OPCML: variants seen among roughly 807,000 people sequenced by gnomAD.
OPCML encodes opioid-binding protein/cell adhesion molecule.
Under a neutral mutation model 37.8 loss-of-function variants are expected in OPCML, and 13 were observed. The ratio of observed to expected loss-of-function variants is 0.34; its 90% CI spans 0.22 to 0.55. The LOEUF (loss-of-function observed/expected upper bound fraction) is 0.55, where lower values mean the gene tolerates loss of function less well. OPCML is among the 20% of genes least tolerant of loss of function. The pLI is 0.91. For synonymous variants in OPCML, 176 were observed against 168.8 expected, an observed-to-expected ratio of 1.04 and a Z score of -0.33; for missense variants, 341 against 435.6, an observed-to-expected ratio of 0.78 and a Z score of 1.93.
intron 4 of OPCML, among the ~76,000 whole-genome samples, chr11:132,499,812 T>C (rs1434434475): frequency 6.6e-6 from 1 of 152,238 alleles, no homozygotes; most frequent in Non-Finnish European, 1.5e-5. Context: ...TCCGTGACTA[T>C]GTTAACTGCA....
intron 1 of OPCML, among the ~76,000 whole-genome samples, chr11:133,057,675 C>G (rs1385713881): frequency 6.6e-6 from 1 of 152,178 alleles, no homozygotes; most frequent in African/African-American, 2.4e-5. Flanking sequence ...GAAATGACTC[C>G]CACTGTTGCT....
At chr11:133,070,849 A>G (rs75514304) in intron 1 of OPCML, among the ~76,000 whole-genome samples, 1,762 of 152,308 alleles carry the variant, frequency 0.012, 24 homozygotes, top group African/African-American at 0.04. Flanking sequence ...GGACTCTGTC[A>G]GGACCACACC....
chr11:132,652,347 CAA>C (rs1238566884), intron 3 of OPCML, among the ~76,000 whole-genome samples: 3 of 125,316 alleles, frequency 2.4e-5, no homozygotes, highest in South Asian at 2.8e-4. Flanking sequence ...GGAAGAATGA[CAA>C]ACACACACAC....
chr11:133,136,433 T>C (rs1431277905), intron 1 of OPCML, among the ~76,000 whole-genome samples: 1 of 152,114 alleles, frequency 6.6e-6, no homozygotes, highest in Non-Finnish European at 1.5e-5. Flanking sequence ...CAGACTGGGA[T>C]CAAGGCTCCA....
chr11:132,793,947 C>T (rs1323001290), intron 2 of OPCML, among the ~76,000 whole-genome samples: 3 of 152,216 alleles, frequency 2.0e-5, no homozygotes, highest in Non-Finnish European at 4.4e-5. Context: ...CTGCCGTGAC[C>T]CCCATGCCCG....
intron 1 of OPCML, among the ~76,000 whole-genome samples, chr11:133,357,566 C>T (rs1286337769): frequency 6.6e-6 from 1 of 152,144 alleles, no homozygotes; most frequent in Non-Finnish European, 1.5e-5. Context: ...TTAATCTAGT[C>T]TTCTCAAATC....
intron 1 of OPCML, among the ~76,000 whole-genome samples, chr11:133,268,414 C>A (rs1044935606): frequency 1.3e-5 from 2 of 152,154 alleles, no homozygotes; most frequent in African/African-American, 2.4e-5. Context: ...CTTTCTGAGT[C>A]TACTTTATGA....
intron 3 of OPCML, among the ~76,000 whole-genome samples, chr11:132,532,258 T>C (rs2137310492): frequency 6.6e-6 from 1 of 152,256 alleles, no homozygotes; most frequent in African/African-American, 2.4e-5. Flanking sequence ...TTGTCTGCTT[T>C]CCTCTGTAGC....
rs889909615 is a variant in OPCML, at chr11:133,205,060, C to A, written c.62-262050G>T. Among the ~76,000 whole-genome samples, 2 of 151,690 alleles carry A rather than the reference C, an allele frequency of 1.3e-5. No individual in the cohort carries two copies. Among genetic ancestry groups the A allele is most frequent in the African/African-American group, 4.8e-5 (2 of 41,324 alleles). ...TGGCCTCAGGATGGTGGCTGGCTGCCAGGGAAGCCAATTCTGTGATTAAAT... is the reference window on the plus strand; with the variant it reads ...TGGCCTCAGGATGGTGGCTGGCTGCAAGGGAAGCCAATTCTGTGATTAAAT... On this transcript the variant is annotated intron_variant, in intron 1 of 7. Transcript: ENST00000524381. This position sits in a 1 kb window ranked among gnomAD's most constrained non-coding sequence, Gnocchi z 4.8.
chr11:133,098,870 G>T (rs561056985), intron 1 of OPCML, among the ~76,000 whole-genome samples: 11 of 152,180 alleles, frequency 7.2e-5, no homozygotes, highest in African/African-American at 2.4e-4. Context: ...GGGGAAGGAA[G>T]AAATAAGACT....
chr11:132,484,632 G>A (rs1403168078), intron 4 of OPCML, among the ~76,000 whole-genome samples: 13 of 152,102 alleles, frequency 8.5e-5, no homozygotes, highest in East Asian at 5.8e-4. Context: ...TGTTTATTGC[G>A]GCATTATTCA....
chr11:132,992,258 C>CAT (rs905112545), intron 1 of OPCML, among the ~76,000 whole-genome samples: 1 of 151,880 alleles, frequency 6.6e-6, no homozygotes, highest in African/African-American at 2.4e-5. Context: ...TTTCTCCAGC[C>CAT]ATATATATAC....
chr11:133,003,624 G>T lies in OPCML; in HGVS notation c.62-60614C>A, dbSNP rs536233203. ...ATTGGCTGGAGAGTACTTTTCAGAT[G>T]ACCACAATATTCTATTGTTTTGTGG... On this transcript the variant is annotated intron_variant, in intron 1 of 7. Coordinates refer to ENST00000524381, the MANE Select transcript of OPCML (RefSeq NM_001012393.5). The T allele has an allele frequency of 5.1e-6, 5 of 981,100 alleles. No individual in the cohort carries two copies. In the African/African-American group the frequency reaches 8.8e-5, roughly 17 times the overall value. The allele number at this position is 981,100 out of a possible 1,614,324, so 60.8% of individuals were successfully genotyped here.
intron 1 of OPCML, among the ~76,000 whole-genome samples, chr11:133,293,455 T>A (rs1423324447): frequency 3.3e-5 from 5 of 152,174 alleles, no homozygotes; most frequent in South Asian, 4.1e-4. Context: ...AGTATATGCC[T>A]GATAGGTAAT....
intron 1 of OPCML, among the ~76,000 whole-genome samples, chr11:133,494,409 G>C (rs1947734811): frequency 6.6e-6 from 1 of 151,766 alleles, no homozygotes; most frequent in Admixed American, 6.6e-5. Flanking sequence ...CTGCTATAAA[G>C]ACACAAGCAC....
intron 2 of OPCML, among the ~76,000 whole-genome samples, chr11:132,693,763 G>A (rs1419906208): frequency 6.6e-6 from 1 of 152,074 alleles, no homozygotes; most frequent in Non-Finnish European, 1.5e-5. Flanking sequence ...TCTTGTTAAG[G>A]TTTGCTATAA....
chr11:133,015,929 G>A (rs188036330), intron 1 of OPCML, among the ~76,000 whole-genome samples: 2 of 152,232 alleles, frequency 1.3e-5, no homozygotes, highest in East Asian at 3.9e-4. Context: ...GCTTTGCTGA[G>A]CTCCCTTCAC....
intron 2 of OPCML, among the ~76,000 whole-genome samples, chr11:132,674,858 G>A (rs1942631108): frequency 6.6e-6 from 1 of 152,120 alleles, no homozygotes; most frequent in Admixed American, 6.6e-5. Flanking sequence ...CCTTGTAGCA[G>A]AAATAAATCC....
intron 1 of OPCML, among the ~76,000 whole-genome samples, chr11:133,516,911 G>A (rs1016485567): frequency 6.6e-6 from 1 of 152,194 alleles, no homozygotes; most frequent in African/African-American, 2.4e-5. Flanking sequence ...CACAAAGGTA[G>A]CATTGTTGAA....
Sources: allele counts gnomAD v4.1 joint callset (sites outside exome capture counted in the v4.1 genomes callset), GRCh38; gene constraint gnomAD v4.1.1; non-coding constraint Gnocchi (gnomAD v3.1); transcripts MANE v1.5; gene names NCBI Gene and HGNC (gene_info 2026-07-23, HGNC 2026-07-21).